The following DIAPH1 variants were observed in gnomAD, a reference collection of about 807,000 sequenced individuals.
The protein encoded by DIAPH1 is diaphanous related formin 1, also known as protein diaphanous homolog 1.
DIAPH1 carries 46 observed loss-of-function variants against 140.7 expected under a neutral mutation model. The observed-to-expected ratio is 0.33, with a 90% CI of 0.26 to 0.42. DIAPH1 has a LOEUF of 0.42. Among genes scored for constraint, DIAPH1 ranks in the 10% least tolerant of loss-of-function variants. DIAPH1 has a pLI of 1.00. For missense variants in DIAPH1, 1,310 were observed against 1,558.7 expected (o/e 0.84, Z 2.69); for synonymous variants, 565 against 551.6 (o/e 1.02, Z -0.34).
chr5:141,555,816 G>A (rs1252842105), intron 18 of DIAPH1, among the ~76,000 whole-genome samples: 4 of 152,184 alleles, frequency 2.6e-5, no homozygotes, highest in Non-Finnish European at 5.9e-5. Flanking sequence ...GCCAGGATCC[G>A]TATTTCTAGC....
chr5:141,582,170 G>C (rs780027494), intron 7 of DIAPH1, 142 bp downstream of exon 7: 114 of 680,398 alleles, frequency 1.7e-4, no homozygotes, highest in Non-Finnish European at 2.8e-4. Context: ...TGTATATGTG[G>C]CAATGAAAAA....
Position 141,527,632 on chromosome 5 carries a change from C to T in DIAPH1, c.3214G>A (p.Asp1072Asn), listed in dbSNP as rs759275094. The T allele has an allele frequency of 1.3e-6, 2 of 1,593,270 alleles. No individual in the cohort carries two copies. Among genetic ancestry groups the T allele is most frequent in the Non-Finnish European group, 1.7e-6 (2 of 1,168,778 alleles). The part of the protein sequence containing the change: ...MKKQISDVER[D>N]VQNFPAATDE... ...GTGGCAGCTGGGAAATTCTGAACAT[C>T]ACGTTCCACATCAGAAATTTGTTTC... The change falls in exon 24 of 28, where the codon GAT becomes AAT. Residue 1072 changes from aspartate to asparagine, a missense_variant. Coordinates refer to ENST00000389054, the MANE Select transcript of DIAPH1 (RefSeq NM_005219.5).
chr5:141,591,147 G>C (rs72792318), intron 1 of DIAPH1, among the ~76,000 whole-genome samples: 3,969 of 152,020 alleles, frequency 0.026, 62 homozygotes, highest in East Asian at 0.046. Context: ...AACAGATGAC[G>C]CTGCCTCAAT....
At chr5:141,574,284 C>G (rs1258047830) in intron 15 of DIAPH1, 76 bp from the exon 16 acceptor site, 6 of 1,422,886 alleles carry the variant, frequency 4.2e-6, no homozygotes, top group Non-Finnish European at 3.0e-6. Context: ...ACCTAATAAA[C>G]TACTTAATCC....
intron 18 of DIAPH1, among the ~76,000 whole-genome samples, chr5:141,554,896 A>G (rs1387110762): frequency 6.6e-6 from 1 of 152,156 alleles, no homozygotes; most frequent in African/African-American, 2.4e-5. Flanking sequence ...CTTCTTTGAC[A>G]ATGTGTATAT....
intron 4 of DIAPH1, among the ~76,000 whole-genome samples, chr5:141,583,843 G>A (rs994892573): frequency 2.6e-5 from 4 of 152,020 alleles, no homozygotes; most frequent in Non-Finnish European, 5.9e-5. Context: ...GTCAGGCCAC[G>A]TTTATCAGGG....
intron 1 of DIAPH1, among the ~76,000 whole-genome samples, chr5:141,610,256 C>T (rs1302563344): frequency 6.6e-6 from 1 of 152,040 alleles, no homozygotes; most frequent in East Asian, 1.9e-4. Context: ...CTCAGCCTCC[C>T]AAGTAGCTAG....
intron 1 of DIAPH1, among the ~76,000 whole-genome samples, chr5:141,591,057 G>A (rs917524465): frequency 1.3e-5 from 2 of 152,086 alleles, no homozygotes; most frequent in Non-Finnish European, 2.9e-5. Flanking sequence ...TCCTGTGCAT[G>A]GCATATGACT....
chr5:141,547,570 T>C (rs1027690444), intron 18 of DIAPH1, among the ~76,000 whole-genome samples: 31 of 152,080 alleles, frequency 2.0e-4, no homozygotes, highest in African/African-American at 7.0e-4. Flanking sequence ...ACAGTAGACA[T>C]AGTAGAAATG....
At chr5:141,557,023 T>C (rs1266034929) in intron 18 of DIAPH1, among the ~76,000 whole-genome samples, 1 of 152,014 alleles carries the variant, frequency 6.6e-6, no homozygotes, top group East Asian at 1.9e-4. Context: ...ATTAAGTCTA[T>C]AAATAAATTG....
intron 18 of DIAPH1, among the ~76,000 whole-genome samples, chr5:141,570,564 T>C (rs1417300443): frequency 6.6e-6 from 1 of 152,006 alleles, no homozygotes; most frequent in Admixed American, 6.5e-5. Flanking sequence ...GACTCCTTAT[T>C]AGAACAAAGT....
At chr5:141,574,288 T>TTAA in intron 15 of DIAPH1, 80 bp from the exon 16 acceptor site, 1 of 1,404,448 alleles carries the variant, frequency 7.1e-7, no homozygotes, top group Non-Finnish European at 1.0e-6. Flanking sequence ...AATAAACTAC[T>TTAA]TAATCCAAAC....
intron 1 of DIAPH1, among the ~76,000 whole-genome samples, chr5:141,591,711 TA>T (rs2099898476): frequency 1.2e-5 from 1 of 84,854 alleles, no homozygotes; most frequent in Non-Finnish European, 2.6e-5. Context: ...TATATATATA[TA>T]TATATATATA....
chr5:141,586,587 T>G (rs1269622866), intron 3 of DIAPH1, among the ~76,000 whole-genome samples: 1 of 152,238 alleles, frequency 6.6e-6, no homozygotes, highest in East Asian at 1.9e-4. Context: ...TTAAAGGTCT[T>G]CTAGCAATTC....
intron 18 of DIAPH1, among the ~76,000 whole-genome samples, chr5:141,555,628 CTGAG>C (rs2099892452): frequency 6.6e-6 from 1 of 152,078 alleles, no homozygotes; most frequent in Non-Finnish European, 1.5e-5. Flanking sequence ...ACATCAAGGG[CTGAG>C]TAATTTCAGT....
intron 18 of DIAPH1, among the ~76,000 whole-genome samples, chr5:141,566,323 A>T (rs2154596076): frequency 1.3e-5 from 2 of 152,328 alleles, no homozygotes; most frequent in East Asian, 3.9e-4. Context: ...AAAAATTCCT[A>T]AGAATTAAGT....
chr5:141,570,369 G>A (rs1294582161), intron 18 of DIAPH1, among the ~76,000 whole-genome samples: 1 of 152,144 alleles, frequency 6.6e-6, no homozygotes, highest in Non-Finnish European at 1.5e-5. Flanking sequence ...TTTTAATTAA[G>A]AGAGTGGAAT....
At position 141,515,495 on chromosome 5, in the gene DIAPH1, C is replaced by T. The variant is rs1027132017; in HGVS notation, c.*1356G>A. On this transcript the variant is annotated 3_prime_UTR_variant, in exon 28 of 28. Transcript: ENST00000389054. ...GGCACAAGGAGGGCAAAAGTATCACCCTAAGCCAGAGAATTGCAGCTTCCT... is the reference window on the plus strand; with the variant it reads ...GGCACAAGGAGGGCAAAAGTATCACTCTAAGCCAGAGAATTGCAGCTTCCT... The T allele has an allele frequency of 1.3e-5, 2 of 152,226 alleles. No homozygotes were observed. The highest frequency in any genetic ancestry group is 4.8e-5 in the African/African-American group (2 of 41,444). The allele number at this position is 152,226 out of a possible 1,614,324, so 9.4% of individuals were successfully genotyped here. A position where few individuals can be genotyped will look rare whatever the true frequency, so the allele number is the denominator to read the frequency against.
At chr5:141,545,303 AAAC>A (rs2099890618) in intron 18 of DIAPH1, among the ~76,000 whole-genome samples, 2 of 152,222 alleles carry the variant, frequency 1.3e-5, no homozygotes, top group Non-Finnish European at 2.9e-5. Flanking sequence ...AAACCTGACT[AAAC>A]AAATTGTATC....
Sources: allele counts gnomAD v4.1 joint callset (sites outside exome capture counted in the v4.1 genomes callset), GRCh38; gene constraint gnomAD v4.1.1; transcripts MANE v1.5; gene names NCBI Gene and HGNC (gene_info 2026-07-23, HGNC 2026-07-21).